SYT2: variants seen among roughly 807,000 people sequenced by gnomAD.
SYT2 encodes the protein synaptotagmin 2.
SYT2 carries 15 observed loss-of-function variants against 39.9 expected under a neutral mutation model. The ratio of observed to expected loss-of-function variants is 0.38; its 90% CI spans 0.25 to 0.58. SYT2 has a LOEUF of 0.58. Ranked by LOEUF, SYT2 falls within the 20% of genes least tolerant of loss-of-function variation. The pLI is 0.70. For missense variants in SYT2, 389 were observed against 530.3 expected (o/e 0.73, Z 2.62); for synonymous variants, 181 against 204.5 (o/e 0.89, Z 0.98).
At chr1:202,609,507 C>T (rs918327910) in intron 1 of SYT2, among the ~76,000 whole-genome samples, 3 of 152,220 alleles carry the variant, frequency 2.0e-5, no homozygotes, top group Non-Finnish European at 4.4e-5. Flanking sequence ...GTCCCACCAA[C>T]AGTGTAAAAG....
intron 1 of SYT2, among the ~76,000 whole-genome samples, chr1:202,693,992 AC>A (rs1429489952): frequency 4.6e-5 from 7 of 152,150 alleles, no homozygotes; most frequent in Admixed American, 3.3e-4. Flanking sequence ...GGTGCCACAC[AC>A]TTTTAAACAT....
intron 1 of SYT2, among the ~76,000 whole-genome samples, chr1:202,611,814 T>A (rs748781220): frequency 5.9e-5 from 9 of 152,226 alleles, no homozygotes; most frequent in Non-Finnish European, 1.3e-4. Flanking sequence ...TGTTTTCTTA[T>A]GGGAGTTGCA....
intron 1 of SYT2, among the ~76,000 whole-genome samples, chr1:202,661,288 T>A (rs1692374375): frequency 6.6e-6 from 1 of 151,730 alleles, no homozygotes; most frequent in Non-Finnish European, 1.5e-5. Flanking sequence ...GAGGGCAGGG[T>A]CCAGCCAGTT....
intron 1 of SYT2, among the ~76,000 whole-genome samples, chr1:202,708,432 A>G (rs1330246805): frequency 6.6e-6 from 1 of 152,000 alleles, no homozygotes. Flanking sequence ...GTAAGGATTA[A>G]GCCCAAAAGA....
intron 1 of SYT2, among the ~76,000 whole-genome samples, chr1:202,624,935 GTGTT>G (rs1409311860): frequency 6.9e-6 from 1 of 144,602 alleles, no homozygotes; most frequent in Non-Finnish European, 1.5e-5. Flanking sequence ...TCTGTGTGGT[GTGTT>G]TGTGTAGTGT....
At position 202,618,121 on chromosome 1, in the gene SYT2, C is replaced by G. The variant is rs373339573; in HGVS notation, c.-17-12332G>C. Reference sequence around the variant, plus strand: ...TTCACCATGTTGGCCAGGCTGGTCTCGAACTCCTGACCTCAAGTAATCTGC... The same window carrying G: ...TTCACCATGTTGGCCAGGCTGGTCTGGAACTCCTGACCTCAAGTAATCTGC... On this transcript the variant is annotated intron_variant, in intron 1 of 8. Transcript: ENST00000367268. 4.6e-5 allele frequency among the ~76,000 whole-genome samples: 7 copies of G among 152,134 alleles called. No homozygotes were observed. In the East Asian group the frequency reaches 1.4e-3, roughly 29 times the overall value.
At chr1:202,705,090 G>C (rs1021473951) in intron 1 of SYT2, among the ~76,000 whole-genome samples, 2 of 152,266 alleles carry the variant, frequency 1.3e-5, no homozygotes, top group East Asian at 3.8e-4. Flanking sequence ...TTTGCCATAG[G>C]TAGAGCTGGT....
intron 1 of SYT2, among the ~76,000 whole-genome samples, chr1:202,645,196 G>A (rs555022763): frequency 1.3e-5 from 2 of 152,112 alleles, no homozygotes; most frequent in African/African-American, 4.8e-5. Context: ...TCAGCAGGAG[G>A]GCACCAGGGG....
At chr1:202,606,427 A>G (rs979560897) in intron 1 of SYT2, among the ~76,000 whole-genome samples, 1 of 152,146 alleles carries the variant, frequency 6.6e-6, no homozygotes, top group African/African-American at 2.4e-5. Flanking sequence ...TTGACTTCCA[A>G]GGATTTCTAG....
intron 1 of SYT2, among the ~76,000 whole-genome samples, chr1:202,606,735 A>G (rs1304699840): frequency 6.6e-6 from 1 of 152,174 alleles, no homozygotes; most frequent in Non-Finnish European, 1.5e-5. Flanking sequence ...TGTGATGTTT[A>G]TTAATAACAT....
intron 1 of SYT2, among the ~76,000 whole-genome samples, chr1:202,704,901 T>C (rs943730375): frequency 3.9e-5 from 6 of 152,200 alleles, no homozygotes; most frequent in Admixed American, 3.9e-4. Context: ...GCCAGAGCCC[T>C]TATGGAGAGC....
At chr1:202,625,838 C>G (rs1437955978) in intron 1 of SYT2, among the ~76,000 whole-genome samples, 1 of 151,582 alleles carries the variant, frequency 6.6e-6, no homozygotes, top group Non-Finnish European at 1.5e-5. Context: ...TGCTAGCCGG[C>G]AGCACCGGGG....
intron 1 of SYT2, among the ~76,000 whole-genome samples, chr1:202,671,125 C>T (rs1337666181): frequency 6.6e-6 from 1 of 152,244 alleles, no homozygotes; most frequent in Non-Finnish European, 1.5e-5. Context: ...AGCCTTCAAC[C>T]CCTGTGAGGG....
intron 3 of SYT2, chr1:202,604,229 A>G: frequency 1.9e-6 from 1 of 521,942 alleles, no homozygotes; most frequent in Admixed American, 3.4e-5. Context: ...GTTCTCCTTC[A>G]CTGTCTTTCC....
rs116508773 is a variant in SYT2, at chr1:202,627,359, G to A, written c.-17-21570C>T. ...CTGATAGCAGGAAATGGAGGAGGTG[G>A]GGGATCTCACCAGGAACTGCCCCCC... On this transcript the variant is annotated intron_variant, in intron 1 of 8. Coordinates refer to ENST00000367268, the MANE Select transcript of SYT2 (RefSeq NM_177402.5). 9.2e-3 allele frequency: 6,402 copies of A among 696,476 alleles called. 335 individuals are homozygous for A. The African/African-American group carries it at 0.11, about 12-fold the overall frequency. 43.1% of individuals were successfully genotyped at this position (696,476 alleles called of 1,614,324 possible). A position where few individuals can be genotyped will look rare whatever the true frequency, so the allele number is the denominator to read the frequency against.
At chr1:202,685,249 T>C (rs1470504745) in intron 1 of SYT2, among the ~76,000 whole-genome samples, 1 of 152,158 alleles carries the variant, frequency 6.6e-6, no homozygotes, top group Non-Finnish European at 1.5e-5. Context: ...AGTTATAGGT[T>C]AAGAGAAATA....
At chr1:202,610,477 A>G (rs963749423) in intron 1 of SYT2, among the ~76,000 whole-genome samples, 1 of 152,226 alleles carries the variant, frequency 6.6e-6, no homozygotes, top group Admixed American at 6.5e-5. Flanking sequence ...GGCCAGGGCA[A>G]TCAGGCAGGA....
At chr1:202,667,342 C>T (rs1692498264) in intron 1 of SYT2, among the ~76,000 whole-genome samples, 2 of 152,208 alleles carry the variant, frequency 1.3e-5, no homozygotes, top group African/African-American at 4.8e-5. Context: ...TCCTCCCACC[C>T]TACAGTCTCC....
At chr1:202,671,413 A>T (rs1692588429) in intron 1 of SYT2, among the ~76,000 whole-genome samples, 1 of 152,240 alleles carries the variant, frequency 6.6e-6, no homozygotes, top group Non-Finnish European at 1.5e-5. Flanking sequence ...TTAGGCCGTC[A>T]AGATCGACCC....
Sources: gnomAD v4.1 joint callset for allele counts (sites outside exome capture counted in the v4.1 genomes callset) on GRCh38, gnomAD v4.1.1 for gene constraint, MANE v1.5 for transcripts, NCBI Gene and HGNC (gene_info 2026-07-23, HGNC 2026-07-21) for gene names.